Variants in MDN1 observed in about 807,000 individuals in gnomAD.
MDN1 encodes midasin.
In MDN1, 266 loss-of-function variants were observed where a neutral mutation model predicts 669.2. That is an observed-to-expected ratio of 0.40 (90% CI 0.36 to 0.44). MDN1 has a LOEUF of 0.44. Ranked by LOEUF, MDN1 falls within the 20% of genes least tolerant of loss-of-function variation. The pLI is 1.00. For missense variants in MDN1, 5,940 were observed against 6,754.0 expected (o/e 0.88, Z 4.22); for synonymous variants, 2,385 against 2,457.1 (o/e 0.97, Z 0.87).
chr6:89,642,731 T>C lies in MDN1; in HGVS notation c.*1274A>G, dbSNP rs796316436. 5.9e-5 allele frequency: 9 copies of C among 152,244 alleles called. No homozygotes were observed. Among genetic ancestry groups the C allele is most frequent in the African/African-American group, 2.2e-4 (9 of 41,464 alleles). The allele number at this position is 152,244 out of a possible 1,614,324, so 9.4% of individuals were successfully genotyped here. ...AGCAGAGAAGATCAGTCCCCTAGCA[T>C]ACCTTTTACAATCCTGTCATCTTCC... On this transcript the variant is annotated 3_prime_UTR_variant, in exon 102 of 102. Coordinates refer to ENST00000369393, the MANE Select transcript of MDN1 (RefSeq NM_014611.3).
At chr6:89,657,813 G>A (rs1809430700) in intron 90 of MDN1, among the ~76,000 whole-genome samples, 1 of 152,150 alleles carries the variant, frequency 6.6e-6, no homozygotes, top group Admixed American at 6.5e-5. Context: ...ATAATAACAC[G>A]TTTTTACTAT....
intron 47 of MDN1, 60 bp downstream of exon 47, chr6:89,713,088 C>T: frequency 6.5e-7 from 1 of 1,548,434 alleles, no homozygotes; most frequent in Non-Finnish European, 8.7e-7. Flanking sequence ...AAATAATTTC[C>T]TCGTACTCAA....
chr6:89,810,405 T>C (rs1190304208), intron 1 of MDN1, among the ~76,000 whole-genome samples: 5 of 151,454 alleles, frequency 3.3e-5, no homozygotes, highest in African/African-American at 1.2e-4. Context: ...CACTGTACTC[T>C]AGCCTGGGCA....
chr6:89,790,965 G>C (rs763280532), intron 5 of MDN1, among the ~76,000 whole-genome samples: 1 of 152,236 alleles, frequency 6.6e-6, no homozygotes, highest in African/African-American at 2.4e-5. Context: ...GGAGGTTGCA[G>C]TGGGCCAAGA....
intron 11 of MDN1, among the ~76,000 whole-genome samples, chr6:89,777,295 A>T (rs1159590061): frequency 6.6e-6 from 1 of 152,226 alleles, no homozygotes; most frequent in Non-Finnish European, 1.5e-5. Flanking sequence ...TGTAAAGGAC[A>T]CCATGAGTGT....
At chr6:89,803,885 CT>C (rs1355631765) in intron 1 of MDN1, among the ~76,000 whole-genome samples, 1 of 50,518 alleles carries the variant, frequency 2.0e-5, no homozygotes, top group Admixed American at 2.9e-4. Flanking sequence ...CCGGCCTTTT[CT>C]TTTCTTTTCT....
At position 89,738,935 on chromosome 6, in the gene MDN1, C is replaced by T. The variant is rs538912849; in HGVS notation, c.4594-480G>A. Among the ~76,000 whole-genome samples the T allele has an allele frequency of 9.2e-5, 14 of 152,302 alleles. No individual in the cohort carries two copies. In the South Asian group the frequency reaches 2.9e-3, roughly 32 times the overall value. On this transcript the variant is annotated intron_variant, in intron 32 of 101. Coordinates refer to ENST00000369393, the MANE Select transcript of MDN1 (RefSeq NM_014611.3). ...AGTATATATTCTACCTCTTGAATAA[C>T]AAGAAATTGTTTAGCCACTCCAGTC... is the stretch of plus-strand genomic sequence containing the variant.
At chr6:89,650,244 C>A in intron 96 of MDN1, 46 bp from the exon 97 acceptor site, 1 of 1,566,806 alleles carries the variant, frequency 6.4e-7, no homozygotes, top group South Asian at 1.1e-5. Context: ...ACTTTTAATT[C>A]CTGAGAATTT....
intron 99 of MDN1, among the ~76,000 whole-genome samples, chr6:89,647,434 G>C (rs914077507): frequency 1.3e-5 from 2 of 152,118 alleles, no homozygotes; most frequent in Non-Finnish European, 1.5e-5. Context: ...AGAAAAATAG[G>C]TCTTGGCCCA....
At chr6:89,793,423 C>G (rs942925267) in intron 5 of MDN1, among the ~76,000 whole-genome samples, 2 of 152,126 alleles carry the variant, frequency 1.3e-5, no homozygotes, top group Non-Finnish European at 2.9e-5. Context: ...TCATATTAAA[C>G]AGGGACAGGC....
intron 27 of MDN1, among the ~76,000 whole-genome samples, chr6:89,745,867 T>C (rs888583310): frequency 1.3e-5 from 2 of 152,182 alleles, no homozygotes; most frequent in Non-Finnish European, 2.9e-5. Flanking sequence ...AGCAGGAATG[T>C]TCAGAGAAGC....
chr6:89,677,757 CT>C (rs1305942064), intron 75 of MDN1, 61 bp from the exon 76 acceptor site: 5 of 1,606,214 alleles, frequency 3.1e-6, no homozygotes, highest in South Asian at 2.2e-5. Context: ...ATGTGCCCCC[CT>C]CTCCCCTGCT....
Position 89,730,641 on chromosome 6 carries a change from T to A in MDN1, c.5140+85A>T, listed in dbSNP as rs543824776. On this transcript the variant is annotated intron_variant, in intron 35 of 101. Transcript: ENST00000369393. ...TTAGTGCAAATATAATCATGAGTATTACACATTAAAACTAAGTCACAATAA... is the reference window on the plus strand; with the variant it reads ...TTAGTGCAAATATAATCATGAGTATAACACATTAAAACTAAGTCACAATAA... 2.9e-5 allele frequency: 30 copies of A among 1,028,362 alleles called. No individual in the cohort carries two copies. In the African/African-American group the frequency reaches 4.6e-4, roughly 16 times the overall value. 63.7% of individuals were successfully genotyped at this position (1,028,362 alleles called of 1,614,324 possible).
chr6:89,657,677 C>T (rs1241373914), intron 90 of MDN1, among the ~76,000 whole-genome samples: 2 of 152,166 alleles, frequency 1.3e-5, no homozygotes, highest in East Asian at 1.9e-4. Flanking sequence ...ATTATGCACA[C>T]CACTTAAATA....
At chr6:89,780,028 T>C (rs1403348439) in intron 11 of MDN1, among the ~76,000 whole-genome samples, 184 bp downstream of exon 11, 2 of 150,210 alleles carry the variant, frequency 1.3e-5, no homozygotes, top group Non-Finnish European at 3.0e-5. Context: ...ATCACGCCAC[T>C]GCACTCCAGC....
At chr6:89,664,727 C>T in intron 84 of MDN1, 99 bp from the exon 85 acceptor site, 8 of 915,812 alleles carry the variant, frequency 8.7e-6, no homozygotes, top group Non-Finnish European at 1.3e-5. Flanking sequence ...AAAAATATAT[C>T]TGGGAGAGGA....
intron 83 of MDN1, among the ~76,000 whole-genome samples, chr6:89,669,528 G>A (rs1810487388): frequency 6.6e-6 from 1 of 151,936 alleles, no homozygotes; most frequent in South Asian, 2.1e-4. Flanking sequence ...ACTCTTAATT[G>A]TTTATAAGAA....
chr6:89,715,886 C>T, intron 44 of MDN1, 117 bp from the exon 45 acceptor site: 1 of 726,474 alleles, frequency 1.4e-6, no homozygotes, highest in South Asian at 1.6e-5. Context: ...CACAATCATT[C>T]ACCCAGATAC....
chr6:89,655,667 T>G, intron 92 of MDN1, 97 bp downstream of exon 92: 2 of 1,172,200 alleles, frequency 1.7e-6, no homozygotes, highest in Non-Finnish European at 2.4e-6. Flanking sequence ...AACCTCACAC[T>G]GTACCCCACA....
Sources: allele counts gnomAD v4.1 joint callset (sites outside exome capture counted in the v4.1 genomes callset), GRCh38; gene constraint gnomAD v4.1.1; transcripts MANE v1.5; gene names NCBI Gene and HGNC (gene_info 2026-07-23, HGNC 2026-07-21).